Variants in MAN2A2 observed in about 807,000 individuals in gnomAD.
MAN2A2 encodes mannosidase alpha class 2A member 2, also known as alpha-mannosidase 2x.
In MAN2A2, 79 loss-of-function variants were observed where a neutral mutation model predicts 126.8. The ratio of observed to expected loss-of-function variants is 0.62; its 90% confidence interval spans 0.52 to 0.75. The LOEUF (loss-of-function observed/expected upper bound fraction) is 0.75, where lower values mean the gene tolerates loss of function less well. Ranked by LOEUF, MAN2A2 falls within the 30% of genes least tolerant of loss-of-function variation. MAN2A2 has a pLI of 0.00. For missense variants in MAN2A2, 1,392 were observed against 1,522.4 expected (o/e 0.91, Z 1.43); for synonymous variants, 671 against 618.7 (o/e 1.08, Z -1.25).
At chr15:90,912,449 A>C in intron 15 of MAN2A2, 93 bp from the exon 16 acceptor site, 2 of 1,594,020 alleles carry the variant, frequency 1.3e-6, no homozygotes, top group Non-Finnish European at 1.7e-6. Flanking sequence ...GAAGCAGGGC[A>C]CGGCTCCTTG....
Position 90,921,754 on chromosome 15 carries a change from A to G in MAN2A2, c.*1967A>G, listed in dbSNP as rs1282651203. On this transcript the variant is annotated 3_prime_UTR_variant, in exon 23 of 23. Transcript: ENST00000559717. ...GCCAAGATGGCGAAACCCTGTGTCT[A>G]CTAAAAATACAAAAACTAGCCAGGA... The G allele has an allele frequency of 6.6e-6, 1 of 152,168 alleles. No homozygotes were observed. The highest frequency in any genetic ancestry group is 1.5e-5 in the Non-Finnish European group (1 of 68,038). The allele number at this position is 152,168 out of a possible 1,614,324, so 9.4% of individuals were successfully genotyped here.
At position 90,911,741 on chromosome 15, in the gene MAN2A2, G is replaced by A. The variant is rs13329129; in HGVS notation, c.2109+191G>A. ...TTTGAGCGTGTCCTTGAAAAGAAGGGGAAGGTTGGTATGGTAATAGTAATG... is the reference window on the plus strand; with the variant it reads ...TTTGAGCGTGTCCTTGAAAAGAAGGAGAAGGTTGGTATGGTAATAGTAATG... On this transcript the variant is annotated intron_variant, in intron 14 of 22. Coordinates refer to ENST00000559717, the MANE Select transcript of MAN2A2 (RefSeq NM_006122.4). The A allele has an allele frequency of 6.9e-3, 4,514 of 651,448 alleles. 82 individuals carry two copies. The highest frequency in any genetic ancestry group is 0.053 in the African/African-American group (2,904 of 54,950). The allele number at this position is 651,448 out of a possible 1,614,324, so 40.4% of individuals were successfully genotyped here.
In MAN2A2 at chr15:90,916,117, C is replaced by T; in HGVS notation, c.2861-6C>T. 1 of 1,613,762 alleles carries T rather than the reference C, an allele frequency of 6.2e-7. No individual in the cohort carries two copies. Among genetic ancestry groups the T allele is most frequent in the Non-Finnish European group, 8.5e-7 (1 of 1,179,848 alleles). ...GCGGGCCAGCACTCACTGTTTGCTT[C>T]CCCAGGCCAGCTGGAGGTGATCTTG... is the stretch of plus-strand genomic sequence containing the variant. On this transcript the variant is annotated splice_polypyrimidine_tract_variant and splice_region_variant and intron_variant, in intron 19 of 22. Transcript: ENST00000559717.
chr15:90,905,652 C>T lies in MAN2A2; in HGVS notation c.464C>T (p.Ser155Phe). 1 of 1,614,156 alleles carries T rather than the reference C, an allele frequency of 6.2e-7. No individual in the cohort carries two copies. Among genetic ancestry groups the T allele is most frequent in the Non-Finnish European group, 8.5e-7 (1 of 1,180,016 alleles). The change falls in exon 4 of 23, where the codon TCC becomes TTC. Residue 155 changes from serine to phenylalanine, a missense_variant. Ser to Phe is a radical substitution (Grantham distance 155). Transcript: ENST00000559717. ...GTGTGGAGGCAAGGCTTCGACATCT[C>T]CTACGACCCGCACGACTGGGATGCT... is the stretch of plus-strand genomic sequence containing the variant. ...GGVWRQGFDI[S>F]YDPHDWDAED...
At chr15:90,909,536 C>T in intron 9 of MAN2A2, 32 bp downstream of exon 9, 1 of 1,594,238 alleles carries the variant, frequency 6.3e-7, no homozygotes, top group Non-Finnish European at 8.6e-7. Flanking sequence ...GGAGGGGCCT[C>T]ACAGTGCTGC....
chr15:90,905,884 C>G lies in MAN2A2; in HGVS notation c.575C>G (p.Thr192Ser). The change falls in exon 5 of 23, where the codon ACC (threonine) becomes AGC (serine). Residue 192 changes from threonine (T) to serine (S), a missense_variant. Coordinates refer to ENST00000559717, the MANE Select transcript of MAN2A2 (RefSeq NM_006122.4). ...TTTGACAAGTACTACACAGAGCAGA[C>G]CCAACACATCCTCAATAGCATGGTG... is the stretch of plus-strand genomic sequence containing the variant. Reference protein sequence around the residue: ...KTFDKYYTEQTQHILNSMVSK... With the variant: ...KTFDKYYTEQSQHILNSMVSK... 1 of 1,591,698 alleles carries G rather than the reference C, an allele frequency of 6.3e-7. No homozygotes were observed. Among genetic ancestry groups the G allele is most frequent in the Non-Finnish European group, 8.6e-7 (1 of 1,169,058 alleles).
intron 1 of MAN2A2, chr15:90,903,692 A>G (rs112194177): frequency 0.016 from 3,808 of 235,658 alleles, 46 homozygotes; most frequent in African/African-American, 0.028. Flanking sequence ...AAAGAAACTC[A>G]TTCTGTGTTT....
At chr15:90,904,155 C>T in intron 1 of MAN2A2, 35 bp from the exon 2 acceptor site, 2 of 1,612,938 alleles carry the variant, frequency 1.2e-6, no homozygotes, top group African/African-American at 2.7e-5. Flanking sequence ...GGGCATTTTG[C>T]ATGTTGGAGC....
chr15:90,907,561 C>G, intron 8 of MAN2A2, 66 bp downstream of exon 8: 3 of 1,494,634 alleles, frequency 2.0e-6, no homozygotes, highest in Non-Finnish European at 2.7e-6. Context: ...CTGGGCCGTG[C>G]CACGTGGAGG....
chr15:90,909,346 C>T lies in MAN2A2; in HGVS notation c.1216C>T (p.Gln406Ter). 1 of 1,612,816 alleles carries T rather than the reference C, an allele frequency of 6.2e-7. No individual in the cohort carries two copies. Among genetic ancestry groups the T allele is most frequent in the East Asian group, 2.2e-5 (1 of 44,836 alleles). The change falls in exon 9 of 23, where the codon CAA becomes TAA. Residue 406 changes from glutamine to a stop codon, truncating the protein, a stop_gained. Transcript: ENST00000559717. LOFTEE classifies it high-confidence loss of function. The part of the protein sequence containing the change: ...VAERAALLLD[Q>*]YRKKSQLFRS... ...CCCCAGGGCAGCCCTGCTTCTGGAC[C>T]AATACCGGAAGAAGTCCCAGCTGTT...
chr15:90,912,430 C>A lies in MAN2A2; in HGVS notation c.2347-112C>A, dbSNP rs760351526. ...CTGGGCCATCTCAGCTCCAGCCTGA[C>A]AGCATGGGGAAGCAGGGCACGGCTC... is the stretch of plus-strand genomic sequence containing the variant. On this transcript the variant is annotated intron_variant, in intron 15 of 22. Transcript: ENST00000559717. 1.3e-4 allele frequency: 206 copies of A among 1,587,796 alleles called. 1 individual carries two copies. In the Middle Eastern group the frequency reaches 2.3e-3, roughly 18 times the overall value.
At chr15:90,904,875 G>A (rs866353020) in intron 2 of MAN2A2, among the ~76,000 whole-genome samples, 8 of 152,332 alleles carry the variant, frequency 5.3e-5, no homozygotes, top group South Asian at 2.1e-4. Flanking sequence ...GATTACAGGT[G>A]TGGGCCACCG....
intron 17 of MAN2A2, 75 bp downstream of exon 17, chr15:90,913,066 G>C (rs1400511095): frequency 1.5e-6 from 2 of 1,295,600 alleles, no homozygotes; most frequent in African/African-American, 1.5e-5. Context: ...TCCTTCTGCT[G>C]CTTCTCTGTT....
Position 90,907,324 on chromosome 15 carries a change from C to T in MAN2A2, c.1025C>T (p.Thr342Ile). Residue 342 changes from threonine to isoleucine, a missense_variant, in exon 8 of 23, where the codon ACA becomes ATA. Coordinates refer to ENST00000559717, the MANE Select transcript of MAN2A2 (RefSeq NM_006122.4). ...TCTCCTGCAGACTCGGACTCCAGCACAGACATCTTCTGTCACATGATGCCC... is the reference window on the plus strand; with the variant it reads ...TCTCCTGCAGACTCGGACTCCAGCATAGACATCTTCTGTCACATGATGCCC... Reference protein sequence around the residue: ...WRQTWDSDSSTDIFCHMMPFY... With the variant: ...WRQTWDSDSSIDIFCHMMPFY... 6.2e-7 allele frequency: 1 copy of T among 1,613,898 alleles called. No homozygotes were observed. Among genetic ancestry groups the T allele is most frequent in the Non-Finnish European group, 8.5e-7 (1 of 1,179,850 alleles).
Position 90,912,259 on chromosome 15 carries a change from G to A in MAN2A2, c.2326G>A (p.Gly776Ser). The change falls in exon 15 of 23, where the codon GGC becomes AGC. Residue 776 changes from glycine to serine, a missense_variant. Transcript: ENST00000559717. Reference protein sequence around the residue: ...SNRYMQVWFSGLTGLLKSIRR... With the variant: ...SNRYMQVWFSSLTGLLKSIRR... ...CCGCTACATGCAGGTCTGGTTCTCA[G>A]GCCTTACTGGGCTCCTCAAGGTAAA... 6.2e-7 allele frequency: 1 copy of A among 1,614,242 alleles called. No individual in the cohort carries two copies. Among genetic ancestry groups the A allele is most frequent in the Non-Finnish European group, 8.5e-7 (1 of 1,180,048 alleles).
chr15:90,906,158 G>T (rs1303663139), intron 5 of MAN2A2, 142 bp downstream of exon 5: 3 of 1,364,018 alleles, frequency 2.2e-6, no homozygotes, highest in Non-Finnish European at 2.0e-6. Flanking sequence ...GTGGAGGGAG[G>T]GAAGGCAAAA....
At chr15:90,902,672 C>T (rs1418410135), upstream of MAN2A2, 1 of 150,854 alleles carries the variant, frequency 6.6e-6, no homozygotes, top group African/African-American at 2.4e-5. Flanking sequence ...GCCAGAGCTC[C>T]TGTCAGCTCC....
At position 90,910,965 on chromosome 15, in the gene MAN2A2, A is replaced by G; in HGVS notation, c.1875+4A>G. 1 of 1,611,778 alleles carries G rather than the reference A, an allele frequency of 6.2e-7. No individual in the cohort carries two copies. Among genetic ancestry groups the G allele is most frequent in the Non-Finnish European group, 8.5e-7 (1 of 1,178,066 alleles). On this transcript the variant is annotated splice_donor_region_variant and intron_variant, in intron 12 of 22. Transcript: ENST00000559717. ...TGAGGCGCCCTTCCTCCAAGTGGTG[A>G]GCCCCTCCTGGGTCTGCATGGGGAC...
In MAN2A2 at chr15:90,918,534, C is replaced by T. The variant is rs1390233768; in HGVS notation, c.3190-111C>T. 2.5e-5 allele frequency: 30 copies of T among 1,224,314 alleles called. No homozygotes were observed. In the Admixed American group the frequency reaches 5.8e-4, roughly 24 times the overall value. The allele number at this position is 1,224,314 out of a possible 1,614,324, so 75.8% of individuals were successfully genotyped here. Reference sequence around the variant, plus strand: ...CCTCCAGGACCAGGTTTTGGCCTTTCCTTACCCACACGCCTCCCTGTGCCA... The same window carrying T: ...CCTCCAGGACCAGGTTTTGGCCTTTTCTTACCCACACGCCTCCCTGTGCCA... On this transcript the variant is annotated intron_variant, in intron 21 of 22. Transcript: ENST00000559717.
Sources: allele counts gnomAD v4.1 joint callset (sites outside exome capture counted in the v4.1 genomes callset), GRCh38; gene constraint gnomAD v4.1.1; transcripts MANE v1.5; gene names NCBI Gene and HGNC (gene_info 2026-07-23, HGNC 2026-07-21).